The following SULT1A2 variants were observed in gnomAD, a reference collection of about 807,000 sequenced individuals.
SULT1A2 encodes sulfotransferase family 1A member 2, also known as sulfotransferase 1A2.
SULT1A2 carries 33 observed loss-of-function variants against 36.0 expected under a neutral mutation model. The ratio of observed to expected loss-of-function variants is 0.92; its 90% CI spans 0.69 to 1.22. The LOEUF (loss-of-function observed/expected upper bound fraction) is 1.22. SULT1A2 is among the 50% of genes most tolerant of loss of function. The pLI is 0.00. For synonymous variants in SULT1A2, 138 were observed against 144.5 expected (o/e 0.96, Z 0.32); for missense variants, 367 against 383.2 (o/e 0.96, Z 0.35).
At chr16:28,593,614 T>G in intron 4 of SULT1A2, 46 bp from the exon 5 acceptor site, 1 of 1,611,552 alleles carries the variant, frequency 6.2e-7, no homozygotes, top group South Asian at 1.1e-5. Flanking sequence ...CCACACAGCC[T>G]GCCCCAGGCC....
Position 28,592,392 on chromosome 16 carries a change from G to T in SULT1A2, c.646C>A (p.Pro216Thr). ...ACCATGAGGTCCACAGTCTCCTCTG[G>T]CAGGGAGCGCCCCACAAACTCCAGG... ...KILEFVGRSL[P>T]EETVDLMVEH... The change falls in exon 7 of 8, where the codon CCA (proline) becomes ACA (threonine). Residue 216 changes from proline to threonine, a missense_variant. Pro to Thr is a conservative substitution (Grantham distance 38). Coordinates refer to ENST00000335715, the MANE Select transcript of SULT1A2 (RefSeq NM_001054.4). The T allele has an allele frequency of 1.2e-6, 2 of 1,614,104 alleles. No homozygotes were observed. The highest frequency in any genetic ancestry group is 1.7e-6 in the Non-Finnish European group (2 of 1,179,964).
rs769630004 is a variant in SULT1A2, at chr16:28,593,441, CCTTCTCCAGCCATGAA to C, written c.484_499del (p.Phe162CysfsTer16). 3.7e-6 allele frequency: 6 copies of C among 1,614,174 alleles called. No homozygotes were observed. The highest frequency in any genetic ancestry group is 5.1e-6 in the Non-Finnish European group (6 of 1,180,038). The stretch of plus-strand genomic sequence containing the variant: ...ACCTTCCTTCCTCCCATCAAGCCCA[CCTTCTCCAGCCATGAA>C]CTTCTCCAGGAAGCTTTCCCAGGTC... On this transcript the variant is annotated frameshift_variant and splice_region_variant, in exon 5 of 8. Coordinates refer to ENST00000335715, the MANE Select transcript of SULT1A2 (RefSeq NM_001054.4). LOFTEE classifies it high-confidence loss of function.
intron 1 of SULT1A2, 33 bp downstream of exon 1, chr16:28,596,963 AG>A: frequency 8.1e-7 from 1 of 1,228,724 alleles, no homozygotes; most frequent in Non-Finnish European, 1.1e-6. Context: ...GAGCAGGGTG[AG>A]GGCGTCCTGG....
At position 28,595,441 on chromosome 16, in the gene SULT1A2, G is replaced by T; in HGVS notation, c.298C>A (p.Pro100Thr). 1 of 1,614,076 alleles carries T rather than the reference G, an allele frequency of 6.2e-7. No individual in the cohort carries two copies. The highest frequency in any genetic ancestry group is 8.5e-7 in the Non-Finnish European group (1 of 1,180,004). The change falls in exon 4 of 8, where the codon CCA becomes ACA. Residue 100 changes from proline (P) to threonine (T), a missense_variant. Coordinates refer to ENST00000335715, the MANE Select transcript of SULT1A2 (RefSeq NM_001054.4). ...TGTGTCTTCAGGAGTCGTGGGGCTG[G>T]TGTGTTTTTCAGAGTCTCCATCCCT... is the stretch of plus-strand genomic sequence containing the variant. ...PSGMETLKNT[P>T]APRLLKTHLP... is the part of the protein sequence containing the mutation.
chr16:28,593,304 T>C lies in SULT1A2; in HGVS notation c.542A>G (p.Glu181Gly). 1 of 1,614,102 alleles carries C rather than the reference T, an allele frequency of 6.2e-7. No individual in the cohort carries two copies. Among genetic ancestry groups the C allele is most frequent in the Non-Finnish European group, 8.5e-7 (1 of 1,180,006 alleles). ...SWYQHVQEWW[E>G]LSRTHPVLYL... ...GAGAACAGGGTGGGTGCGGCTCAGC[T>C]CCCACCACTCTTGCACGTGCTGGTA... Residue 181 changes from glutamate to glycine, a missense_variant, in exon 6 of 8, where the codon GAG (glutamate) becomes GGG (glycine). Glu to Gly is a moderately conservative substitution (Grantham distance 98). Transcript: ENST00000335715.
rs1488785963 is a variant in SULT1A2, at chr16:28,595,238, ACC to A, written c.372+127_372+128del. On this transcript the variant is annotated intron_variant, in intron 4 of 7. Coordinates refer to ENST00000335715, the MANE Select transcript of SULT1A2 (RefSeq NM_001054.4). ...TGAGTAGCTGGTATTACAGGCACAC[ACC>A]ACTATGCACAGCTAAGTTTTTTTTT... 3.3e-6 allele frequency: 4 copies of A among 1,223,946 alleles called. No individual in the cohort carries two copies. The East Asian group carries it at 9.7e-5, about 30-fold the overall frequency. 75.8% of individuals were successfully genotyped at this position (1,223,946 alleles called of 1,614,324 possible).
chr16:28,593,795 C>T (rs1005268686), intron 4 of SULT1A2, among the ~76,000 whole-genome samples: 4 of 152,144 alleles, frequency 2.6e-5, no homozygotes, highest in East Asian at 1.9e-4. Flanking sequence ...TGCATCAATG[C>T]GTCACACCCC....
At position 28,595,611 on chromosome 16, in the gene SULT1A2, G is replaced by C; in HGVS notation, c.213C>G (p.His71Gln). The change falls in exon 3 of 8, where the codon CAC becomes CAG. Residue 71 changes from histidine (H) to glutamine (Q), a missense_variant. Transcript: ENST00000335715. ...IYQGGDLEKC[H>Q]RAPIFMRVPF... ...GCACCCGCATGAAGATGGGAGCTCG[G>C]TGACACTTTTCCAGGTCACCGCCCT... 6.2e-7 allele frequency: 1 copy of C among 1,614,184 alleles called. No individual in the cohort carries two copies. The highest frequency in any genetic ancestry group is 8.5e-7 in the Non-Finnish European group (1 of 1,180,026).
Position 28,595,767 on chromosome 16 carries a change from G to A in SULT1A2, c.148+16C>T, listed in dbSNP as rs749924615. On this transcript the variant is annotated intron_variant, in intron 2 of 7. Coordinates refer to ENST00000335715, the MANE Select transcript of SULT1A2 (RefSeq NM_001054.4). ...GACTGCCACCTGGGAGAGGGTGGGT[G>A]GCCCTCCTCACCTACCGGACTTGGG... The A allele has an allele frequency of 1.2e-6, 2 of 1,612,456 alleles. No individual in the cohort carries two copies.
rs781220997 is a variant in SULT1A2, at chr16:28,591,985, C to G, written c.*43G>C. On this transcript the variant is annotated 3_prime_UTR_variant, in exon 8 of 8. Transcript: ENST00000335715. ...TTTATTCTGGAGCCTCTTGGTCAGG[C>G]TTGATTCGCACACTCCCTCTGCAGT... The G allele has an allele frequency of 5.0e-6, 8 of 1,611,808 alleles. No individual in the cohort carries two copies. Among genetic ancestry groups the G allele is most frequent in the East Asian group, 2.2e-5 (1 of 44,890 alleles).
intron 6 of SULT1A2, among the ~76,000 whole-genome samples, chr16:28,592,679 C>T (rs1567295317): frequency 2.0e-5 from 3 of 152,128 alleles, no homozygotes; most frequent in Non-Finnish European, 2.9e-5. Flanking sequence ...GGTCTTCTTC[C>T]GTGCCTGTGG....
chr16:28,596,907 A>C, intron 1 of SULT1A2, 90 bp downstream of exon 1: 3 of 903,996 alleles, frequency 3.3e-6, no homozygotes, highest in Non-Finnish European at 4.4e-6. Flanking sequence ...GGGAGAGGGC[A>C]GGGATAGCAG....
chr16:28,592,063 C>T lies in SULT1A2; in HGVS notation c.853G>A (p.Ala285Thr), dbSNP rs770796636. ...RFDADYAKKM[A>T]GCSLSFRSEL ...GAGCGGAAGCTGAGGCTGCAGCCTG[C>T]CATCTTCTTCGCATAGTCCGCATCG... Residue 285 changes from alanine to threonine, a missense_variant, in exon 8 of 8, where the codon GCA becomes ACA. Coordinates refer to ENST00000335715, the MANE Select transcript of SULT1A2 (RefSeq NM_001054.4). The T allele has an allele frequency of 6.2e-7, 1 of 1,612,046 alleles. No homozygotes were observed. Among genetic ancestry groups the T allele is most frequent in the South Asian group, 1.1e-5 (1 of 90,990 alleles).
rs1033591115 is a variant in SULT1A2 at position 28,594,770 on chromosome 16, C to CTTTTTTTTTTTTTTTTTTTTTTTTTT, written c.372+571_372+596dup. Among the ~76,000 whole-genome samples the CTTTTTTTTTTTTTTTTTTTTTTTTTT allele has an allele frequency of 1.3e-4, 7 of 53,850 alleles. 2 individuals are homozygous for CTTTTTTTTTTTTTTTTTTTTTTTTTT. The highest frequency in any genetic ancestry group is 2.5e-4 in the Non-Finnish European group (7 of 28,498). The allele number at this position is 53,850 out of a possible 152,430, so 35.3% of individuals were successfully genotyped here. On this transcript the variant is annotated intron_variant, in intron 4 of 7. Coordinates refer to ENST00000335715, the MANE Select transcript of SULT1A2 (RefSeq NM_001054.4). ...AGGCCCAGCCCCCTGCCACCTGCCG[C>CTTTTTTTTTTTTTTTTTTTTTTTTTT]TTTTTTTTTTTTTTTTTTTTTTTTT...
chr16:28,593,412 C>T (rs764021126), intron 5 of SULT1A2, 30 bp downstream of exon 5: 38 of 1,614,022 alleles, frequency 2.4e-5, no homozygotes, highest in Non-Finnish European at 2.8e-5. Context: ...CCCCTTAGCT[C>T]CACACCTTCC....
Position 28,596,711 on chromosome 16 carries a change from G to A in SULT1A2, c.-5+286C>T, listed in dbSNP as rs2047063001. ...TTTAAAACTATCCAGGCAGGATGGTGAGGGTCTGTAGTCCTAGCTACTGAG... is the reference window on the plus strand; with the variant it reads ...TTTAAAACTATCCAGGCAGGATGGTAAGGGTCTGTAGTCCTAGCTACTGAG... On this transcript the variant is annotated intron_variant, in intron 1 of 7. Coordinates refer to ENST00000335715, the MANE Select transcript of SULT1A2 (RefSeq NM_001054.4). 52 of 229,470 alleles carry A rather than the reference G, an allele frequency of 2.3e-4. No individual in the cohort carries two copies. The South Asian group carries it at 2.6e-3, about 11-fold the overall frequency. 14.2% of individuals were successfully genotyped at this position (229,470 alleles called of 1,614,324 possible). A position where few individuals can be genotyped will look rare whatever the true frequency, so the allele number is the denominator to read the frequency against.
In SULT1A2 at chr16:28,595,378, G is replaced by A. The variant is rs2047045702; in HGVS notation, c.361C>T (p.Gln121Ter). The change falls in exon 4 of 8, where the codon CAG becomes TAG. Residue 121 changes from glutamine to a stop codon, truncating the protein, a stop_gained. Coordinates refer to ENST00000335715, the MANE Select transcript of SULT1A2 (RefSeq NM_001054.4). LOFTEE classifies it high-confidence loss of function. ...LALLPQTLLDQKVKVVYVARN... is the reference protein window; with the variant it reads ...LALLPQTLLD ...GTGCCCAGTCTCACCTTGACCTTCT[G>A]ATCCAACAGAGTCTGGGGGAGCAGA... 1 of 1,614,024 alleles carries A rather than the reference G, an allele frequency of 6.2e-7. No homozygotes were observed. The highest frequency in any genetic ancestry group is 1.3e-5 in the African/African-American group (1 of 75,024).
chr16:28,592,109 G>A lies in SULT1A2; in HGVS notation c.807C>T (p.Thr269=), dbSNP rs755126365. Residue 269 remains threonine, a synonymous_variant, in exon 8 of 8, where the codon ACC becomes ACT. Coordinates refer to ENST00000335715, the MANE Select transcript of SULT1A2 (RefSeq NM_001054.4). The part of the protein sequence containing the change: ...GMAGDWKTTF[T]VAQNERFDAD... ...CATCGAAGCGCTCATTCTGCGCCAC[G>A]GTGAAGGTGGTCTTCCAGTCCCCAG... is the stretch of plus-strand genomic sequence containing the variant. The A allele has an allele frequency of 8.7e-6, 14 of 1,611,936 alleles. No individual in the cohort carries two copies. Among genetic ancestry groups the A allele is most frequent in the African/African-American group, 5.3e-5 (4 of 74,864 alleles).
At position 28,595,539 on chromosome 16, in the gene SULT1A2, G is replaced by T; in HGVS notation, c.274+11C>A. The stretch of plus-strand genomic sequence containing the variant: ...CTTCCTCCACTCCCCTTGCACCCAG[G>T]ACACACACACCTGAGGGAATCCCTG... On this transcript the variant is annotated intron_variant, in intron 3 of 7. Transcript: ENST00000335715. 1.9e-6 allele frequency: 3 copies of T among 1,614,126 alleles called. No homozygotes were observed. Among genetic ancestry groups the T allele is most frequent in the Non-Finnish European group, 2.5e-6 (3 of 1,180,014 alleles).
Sources: gnomAD v4.1 joint callset for allele counts (sites outside exome capture counted in the v4.1 genomes callset) on GRCh38, gnomAD v4.1.1 for gene constraint, MANE v1.5 for transcripts, NCBI Gene and HGNC (gene_info 2026-07-23, HGNC 2026-07-21) for gene names.